NUP210L: variants seen among roughly 807,000 people sequenced by gnomAD.
The protein encoded by NUP210L is nuclear pore membrane glycoprotein 210-like.
In NUP210L, 74 loss-of-function variants were observed where a neutral mutation model predicts 208.5. The observed-to-expected ratio is 0.35, with a 90% CI of 0.29 to 0.43. The LOEUF is 0.43. Ranked by LOEUF, NUP210L falls within the 20% of genes least tolerant of loss-of-function variation. The pLI is 1.00. For missense variants in NUP210L, 1,843 were observed against 2,289.4 expected, an observed-to-expected ratio of 0.81 and a Z score of 3.98; for synonymous variants, 780 against 816.9, an observed-to-expected ratio of 0.95 and a Z score of 0.77.
At chr1:154,071,689 G>C (rs1333809596) in intron 16 of NUP210L, among the ~76,000 whole-genome samples, 2 of 136,312 alleles carry the variant, frequency 1.5e-5, no homozygotes, top group African/African-American at 5.6e-5. Context: ...AGGCTGGAGT[G>C]CAGTGGCACA....
At chr1:154,001,421 C>T (rs924103323) in intron 36 of NUP210L, among the ~76,000 whole-genome samples, 1 of 152,174 alleles carries the variant, frequency 6.6e-6, no homozygotes, top group Non-Finnish European at 1.5e-5. Context: ...TGGTCTTGAT[C>T]TGTTGACCTT....
intron 10 of NUP210L, among the ~76,000 whole-genome samples, chr1:154,119,968 C>CAATG (rs1553238988): frequency 1.3e-5 from 2 of 152,184 alleles, no homozygotes; most frequent in Non-Finnish European, 2.9e-5. Context: ...GGAATCGCCA[C>CAATG]GCTGACTTCC....
chr1:154,051,312 C>G (rs1222556106), intron 25 of NUP210L, among the ~76,000 whole-genome samples: 1 of 152,112 alleles, frequency 6.6e-6, no homozygotes, highest in Non-Finnish European at 1.5e-5. Flanking sequence ...TGGGTTCACG[C>G]CATTCTCCTG....
chr1:154,107,796 G>T (rs1656845615), intron 12 of NUP210L, among the ~76,000 whole-genome samples: 1 of 152,068 alleles, frequency 6.6e-6, no homozygotes, highest in African/African-American at 2.4e-5. Flanking sequence ...AACCTAGGAG[G>T]TGGAGGTTGC....
intron 10 of NUP210L, among the ~76,000 whole-genome samples, chr1:154,124,020 T>TA (rs1225374961): frequency 6.6e-6 from 1 of 150,502 alleles, no homozygotes; most frequent in Non-Finnish European, 1.5e-5. Flanking sequence ...CCATCTCTAC[T>TA]AAAAAAAATT....
intron 16 of NUP210L, among the ~76,000 whole-genome samples, chr1:154,084,892 A>T (rs906945112): frequency 1.3e-5 from 2 of 150,370 alleles, no homozygotes; most frequent in Admixed American, 1.3e-4. Context: ...GAAATCTGGA[A>T]TATTCACAAA....
intron 2 of NUP210L, 102 bp downstream of exon 2, chr1:154,152,634 G>T: frequency 9.5e-7 from 1 of 1,048,056 alleles, no homozygotes; most frequent in Non-Finnish European, 1.4e-6. Flanking sequence ...TTCTCCCTTT[G>T]ATCATTTGAA....
At position 154,109,900 on chromosome 1, in the gene NUP210L, C is replaced by A. The variant is rs542410963; in HGVS notation, c.1621-5690G>T. 1.3e-4 allele frequency among the ~76,000 whole-genome samples: 19 copies of A among 150,842 alleles called. No homozygotes were observed. In the East Asian group the frequency reaches 3.7e-3, roughly 29 times the overall value. On this transcript the variant is annotated intron_variant, in intron 12 of 39. Transcript: ENST00000368559. ...CAAAACCTATGAGATACAGTGAAAG[C>A]AGTACTAAGAGGAAAGTTTATAGTA...
At chr1:154,074,243 C>T (rs756522037) in intron 16 of NUP210L, among the ~76,000 whole-genome samples, 1 of 152,086 alleles carries the variant, frequency 6.6e-6, no homozygotes, top group African/African-American at 2.4e-5. Context: ...ACTTACTAGT[C>T]TTAATATCCA....
At chr1:154,010,183 C>T in intron 34 of NUP210L, 62 bp from the exon 35 acceptor site, 1 of 1,508,502 alleles carries the variant, frequency 6.6e-7, no homozygotes, top group Non-Finnish European at 9.0e-7. Flanking sequence ...AAAGAGAGAC[C>T]ATTATATGGA....
exon 32 of NUP210L, chr1:154,022,173 A>T: frequency 6.2e-7 from 1 of 1,614,116 alleles, no homozygotes; most frequent in Non-Finnish European, 8.5e-7. Context: ...ATCTCCAACA[A>T]AGGTAAGCTT....
intron 2 of NUP210L, among the ~76,000 whole-genome samples, chr1:154,151,950 G>T (rs1217627654): frequency 6.6e-6 from 1 of 151,326 alleles, no homozygotes; most frequent in Non-Finnish European, 1.5e-5. Flanking sequence ...TTAGCCAGGT[G>T]TGGTGGCAGT....
At chr1:154,039,992 A>G (rs1182196337) in intron 27 of NUP210L, 1 of 152,146 alleles carries the variant, frequency 6.6e-6, no homozygotes, top group Admixed American at 6.6e-5. Flanking sequence ...TATCATTCCA[A>G]TTTTAGTAGG....
chr1:154,067,658 A>C (rs1654484680), intron 17 of NUP210L, among the ~76,000 whole-genome samples: 1 of 152,154 alleles, frequency 6.6e-6, no homozygotes, highest in South Asian at 2.1e-4. Flanking sequence ...TCAAATTGTC[A>C]CTGTTTGCAG....
intron 37 of NUP210L, 125 bp from the exon 38 acceptor site, chr1:153,995,305 G>A: frequency 1.5e-6 from 1 of 663,032 alleles, no homozygotes; most frequent in Admixed American, 2.6e-5. Flanking sequence ...AGGCTGGAGG[G>A]CAGTGGTGCG....
At chr1:154,105,025 C>T (rs1656680606) in intron 12 of NUP210L, among the ~76,000 whole-genome samples, 1 of 152,150 alleles carries the variant, frequency 6.6e-6, no homozygotes, top group Admixed American at 6.5e-5. Context: ...TGTTTTGCAA[C>T]TCGGATAATA....
chr1:154,005,103 G>C (rs569628354), intron 35 of NUP210L, among the ~76,000 whole-genome samples: 103 of 150,846 alleles, frequency 6.8e-4, no homozygotes, highest in African/African-American at 1.9e-3. Context: ...CACCCTCCTC[G>C]GCCTCCCAAA....
chr1:154,059,334 C>CAA (rs576725365), intron 20 of NUP210L, among the ~76,000 whole-genome samples: 2 of 121,678 alleles, frequency 1.6e-5, no homozygotes, highest in Non-Finnish European at 3.5e-5. Context: ...GACCTTGTCT[C>CAA]AAAAAAAAAA....
intron 37 of NUP210L, among the ~76,000 whole-genome samples, chr1:153,999,387 T>C (rs944583883): frequency 2.0e-5 from 3 of 152,226 alleles, no homozygotes; most frequent in African/African-American, 4.8e-5. Context: ...AGGGTTAACA[T>C]TGGCCCATTG....
Sources: gnomAD v4.1 joint callset for allele counts (sites outside exome capture counted in the v4.1 genomes callset) on GRCh38, gnomAD v4.1.1 for gene constraint, MANE v1.5 for transcripts, NCBI Gene and HGNC (gene_info 2026-07-23, HGNC 2026-07-21) for gene names.